MELTF: variants seen among roughly 807,000 people sequenced by gnomAD.
MELTF encodes the protein antigen p97 (melanoma associated) identified by monoclonal antibodies 133.2 and 96.5.
A neutral mutation model predicts 83.7 loss-of-function variants in MELTF; 67 were observed. The ratio of observed to expected loss-of-function variants is 0.80; its 90% CI spans 0.66 to 0.98. The LOEUF (loss-of-function observed/expected upper bound fraction) is 0.98, where lower values mean the gene tolerates loss of function less well. Among genes scored for constraint, MELTF ranks in the 50% least tolerant of loss-of-function variants. The pLI is 0.00. For synonymous variants in MELTF, 462 were observed against 447.6 expected (o/e 1.03, Z -0.41); for missense variants, 1,002 against 1,035.6 (o/e 0.97, Z 0.44).
chr3:197,010,638 T>C, intron 10 of MELTF, 60 bp downstream of exon 10: 1 of 1,446,884 alleles, frequency 6.9e-7, no homozygotes, highest in Non-Finnish European at 9.6e-7. Flanking sequence ...GGCACTCTTT[T>C]ATATTTATAA....
intron 6 of MELTF, among the ~76,000 whole-genome samples, chr3:197,017,598 C>T (rs769943526): frequency 1.3e-5 from 2 of 152,208 alleles, no homozygotes; most frequent in African/African-American, 2.4e-5. Context: ...GAAAGGCTGG[C>T]CGGGCGTGGT....
chr3:197,003,218 A>C lies in MELTF; in HGVS notation c.*154T>G. ...GGGCGGCGCCTCAGGTAGCAGCGCC[A>C]GGTGGCGCCCGTGGGCGGCGGGGCT... On this transcript the variant is annotated 3_prime_UTR_variant, in exon 16 of 16. Coordinates refer to ENST00000296350, the MANE Select transcript of MELTF (RefSeq NM_005929.6). This position sits in a 1 kb window ranked among gnomAD's most constrained non-coding sequence, Gnocchi z 6.2. The C allele has an allele frequency of 1.2e-6, 1 of 826,284 alleles. No individual in the cohort carries two copies. 51.2% of individuals were successfully genotyped at this position (826,284 alleles called of 1,614,324 possible). A position where few individuals can be genotyped will look rare whatever the true frequency, so the allele number is the denominator to read the frequency against.
chr3:197,019,835 G>C, intron 6 of MELTF: 1 of 1,530,028 alleles, frequency 6.5e-7, no homozygotes, highest in Non-Finnish European at 8.8e-7. Flanking sequence ...TAACAGCAAA[G>C]AATGACAATG....
At position 197,019,242 on chromosome 3, in the gene MELTF, G is replaced by A. The variant is rs939456791; in HGVS notation, c.713-1952C>T. On this transcript the variant is annotated intron_variant, in intron 6 of 15. Coordinates refer to ENST00000296350, the MANE Select transcript of MELTF (RefSeq NM_005929.6). Reference sequence around the variant, plus strand: ...CTGCAAAACCTTTGGTTAGAGCTCTGGGGCATCATTTGCCTTCCCACAGAC... The same window carrying A: ...CTGCAAAACCTTTGGTTAGAGCTCTAGGGCATCATTTGCCTTCCCACAGAC... The A allele has an allele frequency of 5.9e-6, 6 of 1,017,512 alleles. No individual in the cohort carries two copies. In the African/African-American group the frequency reaches 1.0e-4, roughly 17 times the overall value. The allele number at this position is 1,017,512 out of a possible 1,614,324, so 63.0% of individuals were successfully genotyped here.
In MELTF at chr3:197,023,054, C is replaced by T; in HGVS notation, c.547G>A (p.Glu183Lys). ...VPGAGETSYS[E>K]SLCRLCRGDS... ...CCCCTGCAGAGGCGACAGAGGGACT[C>T]AGAGTAACTGGTCTCTCCTGCCCCC... Residue 183 changes from glutamate to lysine, a missense_variant, in exon 5 of 16, where the codon GAG becomes AAG. Physicochemically the swap from Glu to Lys is moderately conservative, Grantham distance 56. Transcript: ENST00000296350. 1 of 1,613,914 alleles carries T rather than the reference C, an allele frequency of 6.2e-7. No individual in the cohort carries two copies. Among genetic ancestry groups the T allele is most frequent in the South Asian group, 1.1e-5 (1 of 91,082 alleles).
chr3:197,027,649 G>A, intron 2 of MELTF, 107 bp downstream of exon 2: 1 of 1,362,288 alleles, frequency 7.3e-7, no homozygotes. Context: ...CTATCGGCCG[G>A]GCCTGGCAGG....
chr3:197,015,406 C>T lies in MELTF; in HGVS notation c.1192G>A (p.Val398Met), dbSNP rs145670084. The T allele has an allele frequency of 8.8e-4, 1,403 of 1,585,806 alleles. 17 individuals carry two copies. In the South Asian group the frequency reaches 0.011, roughly 13 times the overall value. ...RQRLKPEIQC[V>M]SAKSPQHCME... Reference sequence around the variant, plus strand: ...CAGTGTTGGGGGGACTTGGCTGACACGCACTGGATCTCTGGCTTGAGCCGC... The same window carrying T: ...CAGTGTTGGGGGGACTTGGCTGACATGCACTGGATCTCTGGCTTGAGCCGC... Residue 398 changes from valine (V) to methionine (M), a missense_variant, in exon 9 of 16, where the codon GTG becomes ATG. Physicochemically the swap from Val to Met is conservative, Grantham distance 21. Coordinates refer to ENST00000296350, the MANE Select transcript of MELTF (RefSeq NM_005929.6).
rs1287100799 is a variant in MELTF at position 197,007,827 on chromosome 3, T to C, written c.1750+830A>G. On this transcript the variant is annotated intron_variant, in intron 13 of 15. Coordinates refer to ENST00000296350, the MANE Select transcript of MELTF (RefSeq NM_005929.6). This position sits in a 1 kb window ranked among gnomAD's most constrained non-coding sequence, Gnocchi z 4.3. ...TTTTCCCTGCACGTCTTGCTTCCCA[T>C]TGTCCAGTCCCCTCCCCACCGGGCC... Among the ~76,000 whole-genome samples the C allele has an allele frequency of 6.6e-6, 1 of 152,184 alleles. No individual in the cohort carries two copies. Among genetic ancestry groups the C allele is most frequent in the Non-Finnish European group, 1.5e-5 (1 of 68,022 alleles).
In MELTF at chr3:197,003,126, C is replaced by T. The variant is rs1718810877; in HGVS notation, c.*246G>A. ...GGTTTCCTGGGCAACCGGCCTCCTC[C>T]GGCGCGGCCCGCGCGGCTCCAGGTG... On this transcript the variant is annotated 3_prime_UTR_variant, in exon 16 of 16. Transcript: ENST00000296350. The surrounding 1 kb of genome is among the most constrained non-coding windows in gnomAD (Gnocchi z 6.2). 3 of 198,214 alleles carry T rather than the reference C, an allele frequency of 1.5e-5. No homozygotes were observed. The highest frequency in any genetic ancestry group is 1.3e-4 in the Admixed American group (2 of 15,260). 12.3% of individuals were successfully genotyped at this position (198,214 alleles called of 1,614,324 possible). A position where few individuals can be genotyped will look rare whatever the true frequency, so the allele number is the denominator to read the frequency against.
At chr3:197,004,180 G>A in intron 14 of MELTF, 81 bp from the exon 15 acceptor site, 1 of 1,339,222 alleles carries the variant, frequency 7.5e-7, no homozygotes, top group Non-Finnish European at 1.1e-6. Flanking sequence ...GCTGCAAATT[G>A]CTTTACATAC....
chr3:197,026,425 T>G (rs1374830794), intron 3 of MELTF: 31 of 552,422 alleles, frequency 5.6e-5, no homozygotes, highest in Middle Eastern at 4.7e-4. Context: ...GGGCACAGGC[T>G]AGGGGGCTGC....
chr3:197,015,619 G>A, intron 8 of MELTF, 103 bp from the exon 9 acceptor site: 1 of 1,292,212 alleles, frequency 7.7e-7, no homozygotes, highest in East Asian at 2.6e-5. Flanking sequence ...TGTCAGGTGT[G>A]TGGCTGGGAT....
In MELTF at chr3:197,016,196, G is replaced by T. The variant is rs758486976; in HGVS notation, c.1074C>A (p.Asp358Glu). Residue 358 changes from aspartate (D) to glutamate (E), a missense_variant, in exon 8 of 16, where the codon GAC becomes GAA. Coordinates refer to ENST00000296350, the MANE Select transcript of MELTF (RefSeq NM_005929.6). ...GGGGACAGGTGGACTTACGGTTGGG[G>T]TCACAGAGCAGACCCTTCATGGCGT... Reference protein sequence around the residue: ...YLHAMKGLLCDPNRLPPYLRW... With the variant: ...YLHAMKGLLCEPNRLPPYLRW... 3 of 1,541,760 alleles carry T rather than the reference G, an allele frequency of 1.9e-6. No homozygotes were observed. The highest frequency in any genetic ancestry group is 2.6e-6 in the Non-Finnish European group (3 of 1,141,870).
In MELTF at chr3:197,010,425, G is replaced by A. The variant is rs545309451; in HGVS notation, c.1330+273C>T. On this transcript the variant is annotated intron_variant, in intron 10 of 15. Coordinates refer to ENST00000296350, the MANE Select transcript of MELTF (RefSeq NM_005929.6). ...AAGAATGGTTTTTATATTTTGAAAA[G>A]GTTATTGAAAGAGAGACTGTCTGTC... 9.8e-5 allele frequency among the ~76,000 whole-genome samples: 15 copies of A among 152,360 alleles called. No homozygotes were observed. The East Asian group carries it at 2.9e-3, about 29-fold the overall frequency.
At chr3:197,021,677 C>T (rs955152027) in intron 5 of MELTF, among the ~76,000 whole-genome samples, 40 of 152,262 alleles carry the variant, frequency 2.6e-4, no homozygotes, top group Non-Finnish European at 1.5e-4. Context: ...ATCTGTAAAG[C>T]GGGGGTGGGA....
chr3:197,017,917 C>CTAG (rs1719460490), intron 6 of MELTF, among the ~76,000 whole-genome samples: 1 of 152,056 alleles, frequency 6.6e-6, no homozygotes, highest in Non-Finnish European at 1.5e-5. Flanking sequence ...ATGAATGTAC[C>CTAG]AAGAGTCTAG....
chr3:197,009,034 G>C, intron 11 of MELTF, 69 bp from the exon 12 acceptor site: 1 of 1,576,332 alleles, frequency 6.3e-7, no homozygotes, highest in African/African-American at 1.3e-5. Flanking sequence ...TGGGCGGGCC[G>C]CTCCCCCACA....
intron 9 of MELTF, among the ~76,000 whole-genome samples, chr3:197,012,134 G>A (rs1051974396): frequency 1.3e-5 from 2 of 152,146 alleles, no homozygotes; most frequent in Non-Finnish European, 2.9e-5. Flanking sequence ...GGAAGCTCCC[G>A]GAACACCCCC....
chr3:197,023,116 G>A lies in MELTF; in HGVS notation c.488-3C>T, dbSNP rs776601043. 3.7e-6 allele frequency: 6 copies of A among 1,613,564 alleles called. No individual in the cohort carries two copies. The South Asian group carries it at 6.6e-5, about 18-fold the overall frequency. On this transcript the variant is annotated splice_region_variant and splice_polypyrimidine_tract_variant and intron_variant, in intron 4 of 15. Coordinates refer to ENST00000296350, the MANE Select transcript of MELTF (RefSeq NM_005929.6). ...GCCCCCAAAATAGTCGCTGACAGCT[G>A]TGGGAAGGAGGTAGAGAGGTCACTC...
Sources: allele counts gnomAD v4.1 joint callset (sites outside exome capture counted in the v4.1 genomes callset), GRCh38; gene constraint gnomAD v4.1.1; non-coding constraint Gnocchi (gnomAD v3.1); transcripts MANE v1.5; gene names NCBI Gene and HGNC (gene_info 2026-07-23, HGNC 2026-07-21).